The following NOP2 variants were observed in gnomAD, a reference collection of about 807,000 sequenced individuals.
The protein encoded by NOP2 is 28S rRNA (cytosine(4447)-C(5))-methyltransferase.
A neutral mutation model predicts 72.7 loss-of-function variants in NOP2; 7 were observed. The ratio of observed to expected loss-of-function variants is 0.10; its 90% CI spans 0.05 to 0.18. The LOEUF is 0.18. NOP2 is among the 10% of genes least tolerant of loss of function. The pLI, the probability that NOP2 is intolerant of heterozygous loss-of-function variation, is 1.00. For missense variants in NOP2, 954 were observed against 1,014.7 expected, an observed-to-expected ratio of 0.94 and a Z score of 0.81; for synonymous variants, 387 against 388.0, an observed-to-expected ratio of 1.00 and a Z score of 0.03.
chr12:6,568,280 G>C lies in NOP2; in HGVS notation c.-78C>G, dbSNP rs1409929793. 2 of 198,066 alleles carry C rather than the reference G, an allele frequency of 1.0e-5. No individual in the cohort carries two copies. The highest frequency in any genetic ancestry group is 2.1e-5 in the Non-Finnish European group (2 of 96,524). The allele number at this position is 198,066 out of a possible 1,614,324, so 12.3% of individuals were successfully genotyped here. ...TGCAATCCGGACCTAGCTTTCGGCC[G>C]GCACTCGCCACAGAATCGTTCCACG... is the stretch of plus-strand genomic sequence containing the variant. On this transcript the variant is annotated 5_prime_UTR_variant, in exon 1 of 16. Coordinates refer to ENST00000322166, the MANE Select transcript of NOP2 (RefSeq NM_001258308.2).
rs759945988 is a variant in NOP2 at position 6,561,798 on chromosome 12, G to A, written c.1073C>T (p.Thr358Ile). The A allele has an allele frequency of 2.5e-6, 4 of 1,609,760 alleles. No homozygotes were observed. In the South Asian group the frequency reaches 4.4e-5, roughly 18 times the overall value. The stretch of plus-strand genomic sequence containing the variant: ...GTAGTGCCCAGCCAGGTACTCGGGG[G>A]TAGCACCTGTGGAGAAGGACCACCC... ...VYDSSVPIGA[T>I]PEYLAGHYML... is the part of the protein sequence containing the mutation. The change falls in exon 11 of 16, where the codon ACC (threonine) becomes ATC (isoleucine). Residue 358 changes from threonine to isoleucine, a missense_variant. Thr to Ile is a moderately conservative substitution (Grantham distance 89). Transcript: ENST00000322166.
chr12:6,561,163 T>C, intron 11 of NOP2, 93 bp from the exon 12 acceptor site: 4 of 1,510,356 alleles, frequency 2.6e-6, no homozygotes, highest in Non-Finnish European at 3.6e-6. Flanking sequence ...ATGAGAAGTG[T>C]CATCACCTCA....
Position 6,563,444 on chromosome 12 carries a change from A to C in NOP2, c.759T>G (p.Phe253Leu). 6.2e-7 allele frequency: 1 copy of C among 1,610,926 alleles called. No individual in the cohort carries two copies. The highest frequency in any genetic ancestry group is 8.5e-7 in the Non-Finnish European group (1 of 1,178,568). ...IQDIVGILRD[F>L]GAQREEGRSR... ...ACCGCCCTTCCTCCCGCTGAGCCCC[A>C]AAATCACGCAGAATTCCCACAATAT... Residue 253 changes from phenylalanine (F) to leucine (L), a missense_variant, in exon 8 of 16, where the codon TTT becomes TTG. Around this residue, in one of 3 missense-constraint regions of NOP2, gnomAD observed 498 missense variants for 478.3 expected, o/e 1.04. Coordinates refer to ENST00000322166, the MANE Select transcript of NOP2 (RefSeq NM_001258308.2).
chr12:6,557,510 T>C lies in NOP2; in HGVS notation c.1922A>G (p.His641Arg). The C allele has an allele frequency of 6.2e-7, 1 of 1,613,936 alleles. No individual in the cohort carries two copies. Among genetic ancestry groups the C allele is most frequent in the Middle Eastern group, 1.7e-4 (1 of 6,060 alleles). The part of the protein sequence containing the change: ...KTKQQLQKQQ[H>R]PKKASFQKLN... The stretch of plus-strand genomic sequence containing the variant: ...CTTCTGGAAGGAGGCCTTCTTGGGA[T>C]GTTGCTGTTTCTGCAGCTGCTGCTT... Residue 641 changes from histidine (H) to arginine (R), a missense_variant, in exon 16 of 16, where the codon CAT becomes CGT. Physicochemically the swap from His to Arg is conservative, Grantham distance 29 (BLOSUM62 0). Coordinates refer to ENST00000322166, the MANE Select transcript of NOP2 (RefSeq NM_001258308.2).
In NOP2 at chr12:6,561,081, G is replaced by A. The variant is rs746631863; in HGVS notation, c.1208-11C>T. ...TCTTCATCAGCTGGGCTAAAGAGAG[G>A]GCAGTAACAGTGCTGATCAGCCAGT... On this transcript the variant is annotated splice_polypyrimidine_tract_variant and intron_variant, in intron 11 of 15. Transcript: ENST00000322166. 8.1e-6 allele frequency: 13 copies of A among 1,613,740 alleles called. No homozygotes were observed. The highest frequency in any genetic ancestry group is 1.1e-5 in the South Asian group (1 of 91,064).
chr12:6,564,892 C>T lies in NOP2; in HGVS notation c.475-946G>A, dbSNP rs186978356. 2.2e-4 allele frequency among the ~76,000 whole-genome samples: 34 copies of T among 152,202 alleles called. No individual in the cohort carries two copies. In the East Asian group the frequency reaches 6.0e-3, roughly 27 times the overall value. On this transcript the variant is annotated intron_variant, in intron 5 of 15. Coordinates refer to ENST00000322166, the MANE Select transcript of NOP2 (RefSeq NM_001258308.2). ...ATGCATGAACCATAACTTACTTAAG[C>T]ATATTGTGTATTTTGGAAGTTTCCT...
intron 2 of NOP2, chr12:6,567,424 T>G (rs1947811490): frequency 4.6e-6 from 1 of 218,880 alleles, no homozygotes. Flanking sequence ...GCCAGATCCG[T>G]GCTTTTCCAT....
rs1947511746 is a variant in NOP2, at chr12:6,557,305, C to A, written c.2127G>T (p.Lys709Asn). Residue 709 changes from lysine to asparagine, a missense_variant, in exon 16 of 16, where the codon AAG (lysine) becomes AAT (asparagine). This residue lies in a region of NOP2 where 269 missense variants were observed against 260.2 expected (regional missense o/e 1.03). Transcript: ENST00000322166. ...CATTCTGCCTGAGGAAAGCAACTTT[C>A]TTGGAGGACTGTAATTTAGGTGATC... ...KQRSPKLQSS[K>N]KVAFLRQNAP... The A allele has an allele frequency of 1.9e-6, 3 of 1,613,920 alleles. No homozygotes were observed. The Admixed American group carries it at 5.0e-5, about 27-fold the overall frequency.
At position 6,560,656 on chromosome 12, in the gene NOP2, C is replaced by T; in HGVS notation, c.1437+42G>A. ...CATCTCAGTTTCCAGCTCTACGAGA[C>T]CCAGCCAAGGCCTCTCAGGGGCCCA... On this transcript the variant is annotated intron_variant, in intron 13 of 15. Transcript: ENST00000322166. This position sits in a 1 kb window ranked among gnomAD's most constrained non-coding sequence, Gnocchi z 5.0. 6.2e-7 allele frequency: 1 copy of T among 1,612,280 alleles called. No homozygotes were observed. The highest frequency in any genetic ancestry group is 8.5e-7 in the Non-Finnish European group (1 of 1,178,860).
At chr12:6,562,972 T>C in intron 9 of NOP2, 109 bp downstream of exon 9, 2 of 1,099,548 alleles carry the variant, frequency 1.8e-6, no homozygotes, top group South Asian at 1.3e-5. Flanking sequence ...CCCAGGATCA[T>C]GCTTAGGTCC....
In NOP2 at chr12:6,560,129, T is replaced by C; in HGVS notation, c.1758A>G (p.Lys586=). The change falls in exon 15 of 16, where the codon AAA becomes AAG. Residue 586 remains lysine (K), a synonymous_variant. Transcript: ENST00000322166. This position sits in a 1 kb window ranked among gnomAD's most constrained non-coding sequence, Gnocchi z 5.0. Reference sequence around the variant, plus strand: ...GGGACTGAGGGATAGAATTGGAAAATTTCTTGAACTTGGCAATGAAGAACC... The same window carrying C: ...GGGACTGAGGGATAGAATTGGAAAACTTCTTGAACTTGGCAATGAAGAACC... ...MDGFFIAKFK[K]FSNSIPQSQT... is the part of the protein sequence containing the mutation. The C allele has an allele frequency of 6.2e-7, 1 of 1,613,886 alleles. No homozygotes were observed. The highest frequency in any genetic ancestry group is 8.5e-7 in the Non-Finnish European group (1 of 1,179,854).
chr12:6,561,945 C>T lies in NOP2; in HGVS notation c.1005G>A (p.Leu335=). The change falls in exon 10 of 16, where the codon CTG becomes CTA. Residue 335 remains leucine, a synonymous_variant. Coordinates refer to ENST00000322166, the MANE Select transcript of NOP2 (RefSeq NM_001258308.2). ...TCTTTGACCACTTGCCCAGGGGATC[C>T]AGGTTAACCCCACGATTGATTAGAG... ...AQALINRGVN[L]DPLGKWSKTG... The T allele has an allele frequency of 6.2e-7, 1 of 1,611,460 alleles. No individual in the cohort carries two copies. Among genetic ancestry groups the T allele is most frequent in the Non-Finnish European group, 8.5e-7 (1 of 1,178,814 alleles).
Position 6,567,942 on chromosome 12 carries a change from GA to G in NOP2, c.-4-21del. 1 of 1,594,530 alleles carries G rather than the reference GA, an allele frequency of 6.3e-7. No homozygotes were observed. Among genetic ancestry groups the G allele is most frequent in the Non-Finnish European group, 8.6e-7 (1 of 1,163,612 alleles). ...ATGGTACTGTGGCAGGCAGAAATGG[GA>G]GAAGGTGGCGTCGCGCGTGTCGGAG... On this transcript the variant is annotated intron_variant, in intron 1 of 15. Transcript: ENST00000322166.
chr12:6,561,095 T>C (rs776090999), intron 11 of NOP2, 25 bp from the exon 12 acceptor site: 1 of 1,611,708 alleles, frequency 6.2e-7, no homozygotes, highest in Non-Finnish European at 8.5e-7. Context: ...GTAACAGTGC[T>C]GATCAGCCAG....
Position 6,563,402 on chromosome 12 carries a change from C to A in NOP2, c.801G>T (p.Leu267=). The A allele has an allele frequency of 6.2e-7, 1 of 1,607,120 alleles. No homozygotes were observed. The change falls in exon 8 of 16, where the codon CTG becomes CTT. Residue 267 remains leucine (L), a synonymous_variant. Transcript: ENST00000322166. The stretch of plus-strand genomic sequence containing the variant: ...TGGCCAGATCCTTCTTGAGCCGGTT[C>A]AGGTATTCAGAACGAGACCGCCCTT... The part of the protein sequence containing the change: ...REEGRSRSEY[L]NRLKKDLAIY...
rs750154268 is a variant in NOP2 at position 6,564,966 on chromosome 12, C to A, written c.475-1020G>T. Among the ~76,000 whole-genome samples, 60 of 152,028 alleles carry A rather than the reference C, an allele frequency of 3.9e-4. 1 individual carries two copies. Among genetic ancestry groups the A allele is most frequent in the Non-Finnish European group, 7.4e-5 (5 of 68,004 alleles). The stretch of plus-strand genomic sequence containing the variant: ...ATGGTGCCTGCAAACCTAATAATGA[C>A]CCTGTAGATACAAGGGGATGTAGGA... On this transcript the variant is annotated intron_variant, in intron 5 of 15. Coordinates refer to ENST00000322166, the MANE Select transcript of NOP2 (RefSeq NM_001258308.2).
intron 9 of NOP2, among the ~76,000 whole-genome samples, chr12:6,562,359 C>T (rs1257331395): frequency 3.3e-5 from 5 of 152,136 alleles, no homozygotes; most frequent in African/African-American, 1.2e-4. Flanking sequence ...TAAACACATG[C>T]TTCATAAAAA....
intron 15 of NOP2, among the ~76,000 whole-genome samples, chr12:6,558,405 A>T (rs1947561459): frequency 6.7e-6 from 1 of 149,596 alleles, no homozygotes. Flanking sequence ...CCGGACAATC[A>T]CAACCGTGCG....
chr12:6,563,904 C>T lies in NOP2; in HGVS notation c.517G>A (p.Glu173Lys). The change falls in exon 6 of 16, where the codon GAA (glutamate) becomes AAA (lysine). Residue 173 changes from glutamate (E) to lysine (K), a missense_variant. Around this residue, in one of 3 missense-constraint regions of NOP2, gnomAD observed 498 missense variants for 478.3 expected, o/e 1.04. Coordinates refer to ENST00000322166, the MANE Select transcript of NOP2 (RefSeq NM_001258308.2). Reference sequence around the variant, plus strand: ...TCCAAAACTCACCCAGCAGCAGCTTCCCGGGCCTTCTGCTTCCGAGCAGCT... The same window carrying T: ...TCCAAAACTCACCCAGCAGCAGCTTTCCGGGCCTTCTGCTTCCGAGCAGCT... ...ERAARKQKAREAAAGIQWSEE... is the reference protein window; with the variant it reads ...ERAARKQKARKAAAGIQWSEE... The T allele has an allele frequency of 6.2e-7, 1 of 1,613,876 alleles. No individual in the cohort carries two copies. The highest frequency in any genetic ancestry group is 8.5e-7 in the Non-Finnish European group (1 of 1,179,848).
Sources: allele counts gnomAD v4.1 joint callset (sites outside exome capture counted in the v4.1 genomes callset), GRCh38; gene constraint gnomAD v4.1.1; regional missense constraint gnomAD v4.1.1; non-coding constraint Gnocchi (gnomAD v3.1); transcripts MANE v1.5; gene names NCBI Gene and HGNC (gene_info 2026-07-23, HGNC 2026-07-21).